Variants in ITK observed in about 807,000 individuals in gnomAD.
ITK encodes IL2 inducible T cell kinase.
Under a neutral mutation model 87.6 loss-of-function variants are expected in ITK, and 45 were observed. The ratio of observed to expected loss-of-function variants is 0.51; its 90% confidence interval spans 0.40 to 0.66. The LOEUF (loss-of-function observed/expected upper bound fraction) is 0.66, where lower values mean the gene tolerates loss of function less well. ITK is among the 30% of genes least tolerant of loss of function. The pLI is 0.00. For missense variants in ITK, 605 were observed against 766.3 expected (o/e 0.79, Z 2.48); for synonymous variants, 303 against 273.6 (o/e 1.11, Z -1.06).
chr5:157,203,583 C>G (rs2113748518), intron 1 of ITK, among the ~76,000 whole-genome samples: 1 of 152,330 alleles, frequency 6.6e-6, no homozygotes, highest in Middle Eastern at 3.4e-3. Context: ...CAAAACACAG[C>G]AACCTCAAGC....
At chr5:157,243,995 T>C (rs543305620) in intron 12 of ITK, 3 of 675,552 alleles carry the variant, frequency 4.4e-6, no homozygotes, top group Non-Finnish European at 5.3e-6. Context: ...CACCTCCCCC[T>C]TCTCAGCTCC....
At chr5:157,232,855 G>T (rs1754687854) in intron 8 of ITK, among the ~76,000 whole-genome samples, 1 of 152,182 alleles carries the variant, frequency 6.6e-6, no homozygotes, top group Non-Finnish European at 1.5e-5. Flanking sequence ...GCCATGGGGT[G>T]CCATCAGGGC....
chr5:157,246,034 C>T, intron 15 of ITK, 35 bp downstream of exon 15: 1 of 1,416,162 alleles, frequency 7.1e-7, no homozygotes, highest in Non-Finnish European at 1.0e-6. Context: ...GCCCCATGAT[C>T]TGGGCTTCAG....
intron 5 of ITK, among the ~76,000 whole-genome samples, chr5:157,222,194 G>A (rs2113760595): frequency 6.6e-6 from 1 of 152,260 alleles, no homozygotes; most frequent in East Asian, 1.9e-4. Context: ...ACCCATAGCA[G>A]GCGTGCCCAT....
At position 157,191,060 on chromosome 5, in the gene ITK, C is replaced by T. The variant is rs1406262937; in HGVS notation, c.138+9945C>T. On this transcript the variant is annotated intron_variant, in intron 1 of 16. Coordinates refer to ENST00000422843, the MANE Select transcript of ITK (RefSeq NM_005546.4). ...GCTGGGTACAGTCTCCTGCAGTGGT[C>T]TCCTGGGCCATTGTGTAGTGTCCCA... Among the ~76,000 whole-genome samples the T allele has an allele frequency of 2.6e-5, 4 of 152,176 alleles. No individual in the cohort carries two copies. The East Asian group carries it at 7.7e-4, about 29-fold the overall frequency.
At position 157,252,804 on chromosome 5, in the gene ITK, C is replaced by A; in HGVS notation, c.*126C>A. 1 of 770,700 alleles carries A rather than the reference C, an allele frequency of 1.3e-6. No individual in the cohort carries two copies. Among genetic ancestry groups the A allele is most frequent in the African/African-American group, 1.7e-5 (1 of 59,358 alleles). 47.7% of individuals were successfully genotyped at this position (770,700 alleles called of 1,614,324 possible). A position where few individuals can be genotyped will look rare whatever the true frequency, so the allele number is the denominator to read the frequency against. The stretch of plus-strand genomic sequence containing the variant: ...CCAGAGGCAGCCTGGCCTGTGGCAT[C>A]AGTCCCTGAGTCACCATGGAAGCAG... On this transcript the variant is annotated 3_prime_UTR_variant, in exon 17 of 17. Transcript: ENST00000422843.
At chr5:157,232,985 G>A (rs1009848716) in intron 8 of ITK, among the ~76,000 whole-genome samples, 60 of 152,206 alleles carry the variant, frequency 3.9e-4, no homozygotes, top group South Asian at 1.9e-3. Context: ...TTCATCAACA[G>A]TTATCCTCTA....
chr5:157,212,722 C>T (rs930897639), intron 3 of ITK, among the ~76,000 whole-genome samples: 3 of 152,036 alleles, frequency 2.0e-5, no homozygotes, highest in Non-Finnish European at 2.9e-5. Flanking sequence ...CATGGTGGCA[C>T]ATGCCTGTGC....
chr5:157,252,981 T>C lies in ITK; in HGVS notation c.*303T>C. 1 of 465,788 alleles carries C rather than the reference T, an allele frequency of 2.1e-6. No homozygotes were observed. Among genetic ancestry groups the C allele is most frequent in the Non-Finnish European group, 4.0e-6 (1 of 250,826 alleles). 28.9% of individuals were successfully genotyped at this position (465,788 alleles called of 1,614,324 possible). A position where few individuals can be genotyped will look rare whatever the true frequency, so the allele number is the denominator to read the frequency against. On this transcript the variant is annotated 3_prime_UTR_variant, in exon 17 of 17. Coordinates refer to ENST00000422843, the MANE Select transcript of ITK (RefSeq NM_005546.4). The stretch of plus-strand genomic sequence containing the variant: ...TCAACCTGACAGCTTTCAGACAGCA[T>C]TCTTGCACTTCTTAGCAACAGAGAG...
intron 4 of ITK, among the ~76,000 whole-genome samples, chr5:157,216,144 C>A (rs1354170862): frequency 6.6e-6 from 1 of 152,170 alleles, no homozygotes; most frequent in Non-Finnish European, 1.5e-5. Flanking sequence ...GGTTAAATAA[C>A]TTCATGGATC....
At chr5:157,204,648 G>A (rs546847937) in intron 1 of ITK, among the ~76,000 whole-genome samples, 8 of 151,152 alleles carry the variant, frequency 5.3e-5, no homozygotes, top group Admixed American at 2.0e-4. Flanking sequence ...GCGGTGAGCC[G>A]AGATCACACC....
chr5:157,228,779 C>G (rs1232719484), intron 7 of ITK, among the ~76,000 whole-genome samples: 1 of 152,072 alleles, frequency 6.6e-6, no homozygotes, highest in Non-Finnish European at 1.5e-5. Flanking sequence ...AGGCACATGC[C>G]ACCATGTCCA....
chr5:157,182,853 A>G (rs1464334099), intron 1 of ITK, among the ~76,000 whole-genome samples: 1 of 152,208 alleles, frequency 6.6e-6, no homozygotes, highest in Non-Finnish European at 1.5e-5. Context: ...ATTCAGCTCA[A>G]TATTATTTGT....
At chr5:157,242,269 G>A (rs1486423204) in intron 11 of ITK, among the ~76,000 whole-genome samples, 3 of 152,150 alleles carry the variant, frequency 2.0e-5, no homozygotes, top group Non-Finnish European at 4.4e-5. Flanking sequence ...TACCTGCCTG[G>A]ACTCTGAAGG....
chr5:157,252,577 A>T (rs756046873), intron 16 of ITK, 30 bp from the exon 17 acceptor site: 44 of 1,562,280 alleles, frequency 2.8e-5, no homozygotes, highest in Non-Finnish European at 3.9e-5. Flanking sequence ...AAGTACAAGG[A>T]ACTTACAGAG....
intron 10 of ITK, chr5:157,240,702 T>TATCACATGGCAGGAGCAGGAGC (rs1251339539): frequency 2.1e-5 from 4 of 193,354 alleles, no homozygotes; most frequent in African/African-American, 9.5e-5. Flanking sequence ...GGAGCAGGAG[T>TATCACATGGCAGGAGCAGGAGC]ATCACATGGC....
rs118134532 is a variant in ITK, at chr5:157,205,050, G to A, written c.139-3839G>A. 3.1e-4 allele frequency among the ~76,000 whole-genome samples: 47 copies of A among 152,240 alleles called. No individual in the cohort carries two copies. The East Asian group carries it at 8.1e-3, about 26-fold the overall frequency. Reference sequence around the variant, plus strand: ...GGGTCCCTGGATATCAACCAAGCACGCTCATATATCACAAATCTCTTGCGA... The same window carrying A: ...GGGTCCCTGGATATCAACCAAGCACACTCATATATCACAAATCTCTTGCGA... On this transcript the variant is annotated intron_variant, in intron 1 of 16. Transcript: ENST00000422843.
intron 1 of ITK, among the ~76,000 whole-genome samples, chr5:157,205,865 G>A: frequency 6.6e-6 from 1 of 151,586 alleles, no homozygotes; most frequent in Non-Finnish European, 1.5e-5. Context: ...AGATAATCGT[G>A]ATTTCTGCCT....
chr5:157,216,782 A>G (rs34302538), intron 4 of ITK, among the ~76,000 whole-genome samples: 2,499 of 152,268 alleles, frequency 0.016, 29 homozygotes, highest in Non-Finnish European at 0.027. Context: ...TTGAGTTCTA[A>G]ATAGGAACCA....
Sources: gnomAD v4.1 joint callset for allele counts (sites outside exome capture counted in the v4.1 genomes callset) on GRCh38, gnomAD v4.1.1 for gene constraint, MANE v1.5 for transcripts, NCBI Gene and HGNC (gene_info 2026-07-23, HGNC 2026-07-21) for gene names.